The following STK33 variants were observed in gnomAD, a reference collection of about 807,000 sequenced individuals.
The protein encoded by STK33 is serine/threonine kinase 33, also known as serine/threonine-protein kinase 33.
STK33 carries 52 observed loss-of-function variants against 58.0 expected under a neutral mutation model. The ratio of observed to expected loss-of-function variants is 0.90; its 90% confidence interval spans 0.72 to 1.13. The LOEUF (loss-of-function observed/expected upper bound fraction) is 1.13, where lower values mean the gene tolerates loss of function less well. Ranked by LOEUF, STK33 falls within the 50% of genes most tolerant of loss-of-function variation. The pLI is 0.00. For synonymous variants in STK33, 215 were observed against 200.1 expected (o/e 1.07, Z -0.63); for missense variants, 630 against 604.2 (o/e 1.04, Z -0.45).
At chr11:8,554,460 A>G (rs994023023) in intron 1 of STK33, among the ~76,000 whole-genome samples, 3 of 151,648 alleles carry the variant, frequency 2.0e-5, no homozygotes, top group African/African-American at 7.3e-5. Flanking sequence ...CTGAACAGAC[A>G]TTTCTACAAA....
intron 1 of STK33, among the ~76,000 whole-genome samples, chr11:8,513,939 AC>A (rs1333339670): frequency 1.3e-5 from 2 of 151,452 alleles, no homozygotes; most frequent in Admixed American, 6.6e-5. Flanking sequence ...CCAATTAACC[AC>A]CCCCACTTCC....
At chr11:8,579,729 C>T (rs1005219559) in intron 1 of STK33, among the ~76,000 whole-genome samples, 1 of 151,972 alleles carries the variant, frequency 6.6e-6, no homozygotes, top group African/African-American at 2.4e-5. Context: ...TGCTACTTTC[C>T]CTCACCTAAA....
At chr11:8,489,271 A>T (rs200328527) in intron 1 of STK33, among the ~76,000 whole-genome samples, 4 of 62,334 alleles carry the variant, frequency 6.4e-5, no homozygotes, top group African/African-American at 2.2e-4. Flanking sequence ...AAAAAAAAAA[A>T]GAAAAAAAAA....
intron 7 of STK33, among the ~76,000 whole-genome samples, chr11:8,463,777 A>C (rs1324654388): frequency 1.3e-5 from 2 of 152,170 alleles, no homozygotes; most frequent in Non-Finnish European, 2.9e-5. Flanking sequence ...ATTAATTCCT[A>C]AAGTTGCAAG....
intron 1 of STK33, among the ~76,000 whole-genome samples, chr11:8,574,460 A>G (rs1487705870): frequency 6.6e-6 from 1 of 152,208 alleles, no homozygotes; most frequent in African/African-American, 2.4e-5. Flanking sequence ...ATAACTATAA[A>G]TAGTAAAGAA....
At chr11:8,397,104 G>C (rs1849492914) in intron 15 of STK33, among the ~76,000 whole-genome samples, 1 of 152,220 alleles carries the variant, frequency 6.6e-6, no homozygotes, top group Admixed American at 6.5e-5. Flanking sequence ...TGACAGCCTT[G>C]AAAAGAGTAG....
rs192782652 is a variant in STK33, at chr11:8,569,356, A to G, written c.-466+24727T>C. On this transcript the variant is annotated intron_variant, in intron 1 of 15. Coordinates refer to ENST00000687296, the MANE Select transcript of STK33 (RefSeq NM_001352389.2). ...TTGACAAGGCTGGCAAAGCAATTCA[A>G]CAACACAAGAAAAGTCTTCAACAAA... 2.1e-3 allele frequency among the ~76,000 whole-genome samples: 315 copies of G among 152,358 alleles called. 1 individual carries two copies. The highest frequency in any genetic ancestry group is 2.7e-3 in the Non-Finnish European group (181 of 68,032).
intron 1 of STK33, among the ~76,000 whole-genome samples, chr11:8,521,075 T>C (rs903308262): frequency 1.3e-5 from 2 of 151,454 alleles, no homozygotes; most frequent in African/African-American, 4.8e-5. Context: ...ATTTGTTCAA[T>C]GCCATCTCCA....
chr11:8,349,559 T>C, the STK33 span, among the ~76,000 whole-genome samples: 1 of 152,222 alleles, frequency 6.6e-6, no homozygotes, highest in African/African-American at 2.4e-5. Context: ...TTGAGGTGAA[T>C]GTGCCTCTGA....
the STK33 span, among the ~76,000 whole-genome samples, chr11:8,350,054 CACTT>C: frequency 1.3e-5 from 2 of 152,258 alleles, no homozygotes; most frequent in African/African-American, 4.8e-5. Flanking sequence ...TGCCTCATCT[CACTT>C]AATCCTAAAA....
chr11:8,384,454 G>A, the STK33 span, among the ~76,000 whole-genome samples: 3 of 152,310 alleles, frequency 2.0e-5, no homozygotes, highest in Middle Eastern at 3.4e-3. Context: ...TCTTGCGGGA[G>A]GTCGGACATT....
chr11:8,576,667 G>T (rs10769916), intron 1 of STK33, among the ~76,000 whole-genome samples: 37 of 151,928 alleles, frequency 2.4e-4, no homozygotes, highest in African/African-American at 8.5e-4. Context: ...CTTAATTCTT[G>T]TAACAACTCC....
chr11:8,520,471 A>T (rs990253795), intron 1 of STK33, among the ~76,000 whole-genome samples: 1 of 152,166 alleles, frequency 6.6e-6, no homozygotes, highest in Admixed American at 6.5e-5. Context: ...CCTATTTAAC[A>T]TAGTGTTGGA....
chr11:8,408,760 A>G (rs1281537720), intron 15 of STK33, among the ~76,000 whole-genome samples: 1 of 152,224 alleles, frequency 6.6e-6, no homozygotes, highest in African/African-American at 2.4e-5. Context: ...GCAAGGATGC[A>G]AAGCACAACC....
intron 12 of STK33, among the ~76,000 whole-genome samples, chr11:8,439,885 A>ATATATC (rs1311904285): frequency 1.4e-5 from 2 of 142,048 alleles, no homozygotes; most frequent in African/African-American, 5.2e-5. Context: ...ATATATATAT[A>ATATATC]TCAGAGGCTT....
rs149237299 is a variant in STK33, at chr11:8,549,441, GT to G, written c.-466+44641del. On this transcript the variant is annotated intron_variant, in intron 1 of 15. Coordinates refer to ENST00000687296, the MANE Select transcript of STK33 (RefSeq NM_001352389.2). ...TATTGGCCTGTAGTTTTCTGTTTTT[GT>G]TTTTTTTTTCTTTTTTGTTATGGCT... 8.8e-5 allele frequency among the ~76,000 whole-genome samples: 13 copies of G among 147,402 alleles called. No homozygotes were observed. In the East Asian group the frequency reaches 1.4e-3, roughly 16 times the overall value.
chr11:8,374,096 C>T, the STK33 span, among the ~76,000 whole-genome samples: 2 of 152,252 alleles, frequency 1.3e-5, no homozygotes, highest in Non-Finnish European at 2.9e-5. Context: ...CCTCCAAATC[C>T]AGTTAGACAG....
At chr11:8,336,169 C>A in the STK33 span, among the ~76,000 whole-genome samples, 1 of 152,262 alleles carries the variant, frequency 6.6e-6, no homozygotes, top group Non-Finnish European at 1.5e-5. Flanking sequence ...CCTCGTATGA[C>A]CTTGGGGCCC....
chr11:8,380,099 T>C, the STK33 span, among the ~76,000 whole-genome samples: 1 of 152,220 alleles, frequency 6.6e-6, no homozygotes, highest in Admixed American at 6.5e-5. Context: ...TACACGTGCA[T>C]GTGTCTTTAT....
Sources: allele counts gnomAD v4.1 joint callset (sites outside exome capture counted in the v4.1 genomes callset), GRCh38; gene constraint gnomAD v4.1.1; transcripts MANE v1.5; gene names NCBI Gene and HGNC (gene_info 2026-07-23, HGNC 2026-07-21).